The following RUFY2 variants were observed in gnomAD, a reference collection of about 807,000 sequenced individuals.
The protein encoded by RUFY2 is RUN and FYVE domain-containing protein 2.
Under a neutral mutation model 94.4 loss-of-function variants are expected in RUFY2, and 49 were observed. The observed-to-expected ratio is 0.52, with a 90% CI of 0.41 to 0.66. The LOEUF (loss-of-function observed/expected upper bound fraction) is 0.66. Ranked by LOEUF, RUFY2 falls within the 30% of genes least tolerant of loss-of-function variation. The probability of loss-of-function intolerance (pLI) is 0.00; values close to 1 mark genes in which losing one functional copy is unlikely to be tolerated. For missense variants in RUFY2, 541 were observed against 692.8 expected (o/e 0.78, Z 2.46); for synonymous variants, 255 against 235.7 (o/e 1.08, Z -0.75).
At chr10:68,373,080 AAG>A (rs1380878702) in intron 13 of RUFY2, among the ~76,000 whole-genome samples, 1 of 152,218 alleles carries the variant, frequency 6.6e-6, no homozygotes, top group African/African-American at 2.4e-5. Context: ...ATATATGTAA[AAG>A]AGATAATTAA....
At chr10:68,371,131 CAAAA>C (rs58880698) in intron 13 of RUFY2, among the ~76,000 whole-genome samples, 2 of 59,172 alleles carry the variant, frequency 3.4e-5, no homozygotes, top group Admixed American at 1.8e-4. Flanking sequence ...GGCTCTGTCT[CAAAA>C]AAAAAAAAAA....
At chr10:68,377,416 G>C (rs1016592155) in intron 12 of RUFY2, 9 of 1,002,812 alleles carry the variant, frequency 9.0e-6, no homozygotes, top group Non-Finnish European at 9.5e-6. Flanking sequence ...AATCAAGTGT[G>C]CTACAAGGCC....
Position 68,396,997 on chromosome 10 carries a change from A to G in RUFY2, c.297-116T>C. 3 of 658,080 alleles carry G rather than the reference A, an allele frequency of 4.6e-6. No individual in the cohort carries two copies. The South Asian group carries it at 6.0e-5, about 13-fold the overall frequency. 40.8% of individuals were successfully genotyped at this position (658,080 alleles called of 1,614,324 possible). ...GCATTTTTATAATGGTTTTGTTTTCATTTTTATAGGTTTATCTTTTTGAGC... is the reference window on the plus strand; with the variant it reads ...GCATTTTTATAATGGTTTTGTTTTCGTTTTTATAGGTTTATCTTTTTGAGC... On this transcript the variant is annotated intron_variant, in intron 3 of 17. Coordinates refer to ENST00000602465, the MANE Select transcript of RUFY2 (RefSeq NM_001330103.2).
intron 13 of RUFY2, among the ~76,000 whole-genome samples, chr10:68,367,717 T>C (rs1218241649): frequency 6.7e-6 from 1 of 148,772 alleles, no homozygotes; most frequent in South Asian, 2.1e-4. Context: ...TCTCTATCTC[T>C]CTCCCTCCCT....
Position 68,394,391 on chromosome 10 carries a change from C to G in RUFY2, c.459G>C (p.Leu153=). ...MEEEGAVIVG[L]LVGLNVIDAN... is the part of the protein sequence containing the mutation. ...CATCGATCACATTCAGGCCAACCAG[C>G]AGCCCAACAATTACTGCTCCTTCTT... The change falls in exon 5 of 18, where the codon CTG becomes CTC. Residue 153 remains leucine (L), a synonymous_variant. Transcript: ENST00000602465. 6.2e-7 allele frequency: 1 copy of G among 1,613,710 alleles called. No individual in the cohort carries two copies. The highest frequency in any genetic ancestry group is 8.5e-7 in the Non-Finnish European group (1 of 1,179,666).
At chr10:68,341,505 ATC>A (rs2045937003), downstream of RUFY2, 5 of 1,092,264 alleles carry the variant, frequency 4.6e-6, no homozygotes, top group Non-Finnish European at 5.4e-6. Context: ...TACTTAATTG[ATC>A]TTTTTTACAA....
chr10:68,388,544 A>G (rs577010213), intron 7 of RUFY2, among the ~76,000 whole-genome samples: 1 of 152,290 alleles, frequency 6.6e-6, no homozygotes, highest in East Asian at 1.9e-4. Flanking sequence ...TTTATTAGAA[A>G]AACAATGAAA....
At chr10:68,363,487 TA>T in intron 15 of RUFY2, 102 bp downstream of exon 15, 1 of 727,696 alleles carries the variant, frequency 1.4e-6, no homozygotes. Context: ...GCCTAGTTCG[TA>T]TCTTTCCTAT....
intron 6 of RUFY2, chr10:68,393,840 T>C (rs2050179068): frequency 1.4e-6 from 1 of 739,790 alleles, no homozygotes; most frequent in Non-Finnish European, 1.9e-6. Flanking sequence ...TGGGTCTCAG[T>C]AACTACAGGT....
intron 7 of RUFY2, among the ~76,000 whole-genome samples, chr10:68,388,775 G>A (rs970490238): frequency 1.4e-5 from 2 of 147,010 alleles, no homozygotes; most frequent in African/African-American, 5.0e-5. Context: ...GGCAGAGGTT[G>A]CAGTGAGCCA....
chr10:68,406,834 C>T (rs1452225503), intron 1 of RUFY2: 3 of 1,612,490 alleles, frequency 1.9e-6, no homozygotes, highest in Admixed American at 3.3e-5. Flanking sequence ...TGCGTCTTCC[C>T]TCCGCCACCC....
In RUFY2 at chr10:68,343,500, TGC is replaced by T. The variant is rs1426212074; in HGVS notation, c.*2266_*2267del. 1 of 152,564 alleles carries T rather than the reference TGC, an allele frequency of 6.6e-6. No homozygotes were observed. The highest frequency in any genetic ancestry group is 1.5e-5 in the Non-Finnish European group (1 of 68,002). The allele number at this position is 152,564 out of a possible 1,614,324, so 9.5% of individuals were successfully genotyped here. On this transcript the variant is annotated 3_prime_UTR_variant, in exon 18 of 18. Transcript: ENST00000602465. ...TATACAGTATTAATGAAACCAAAATTGCCCTTTTAAAGCAGGCTAATTTTCCA... is the reference window on the plus strand; with the variant it reads ...TATACAGTATTAATGAAACCAAAATTCCTTTTAAAGCAGGCTAATTTTCCA...
chr10:68,366,902 G>T (rs895402696), intron 13 of RUFY2, among the ~76,000 whole-genome samples: 2 of 142,208 alleles, frequency 1.4e-5, no homozygotes, highest in South Asian at 2.2e-4. Flanking sequence ...TATATTTATG[G>T]TTCATGCCTG....
intron 1 of RUFY2, chr10:68,406,836 C>T (rs376734230): frequency 6.6e-5 from 107 of 1,612,386 alleles, no homozygotes; most frequent in Non-Finnish European, 8.5e-5. Flanking sequence ...CGTCTTCCCT[C>T]CGCCACCCCC....
chr10:68,359,570 T>C (rs1030124802), intron 15 of RUFY2, among the ~76,000 whole-genome samples: 2 of 142,750 alleles, frequency 1.4e-5, no homozygotes, highest in Non-Finnish European at 3.0e-5. Context: ...TATATAGTAG[T>C]ACTACTATAT....
chr10:68,395,058 C>G (rs192982546), intron 4 of RUFY2, among the ~76,000 whole-genome samples: 1 of 151,898 alleles, frequency 6.6e-6, no homozygotes, highest in Non-Finnish European at 1.5e-5. Context: ...AAAAGTGGCA[C>G]GAGACACGGT....
downstream of RUFY2, chr10:68,341,617 A>C (rs931520704): frequency 1.6e-5 from 26 of 1,612,482 alleles, no homozygotes; most frequent in Admixed American, 4.0e-4. Flanking sequence ...CTTGAATTCT[A>C]CTCCTGGAGG....
At chr10:68,365,690 T>A (rs759465027) in intron 13 of RUFY2, among the ~76,000 whole-genome samples, 1 of 152,262 alleles carries the variant, frequency 6.6e-6, no homozygotes, top group African/African-American at 2.4e-5. Context: ...AGTTTAGTGA[T>A]GTTTTTGTGA....
intron 13 of RUFY2, among the ~76,000 whole-genome samples, chr10:68,375,240 A>C (rs575358740): frequency 1.3e-5 from 2 of 150,760 alleles, no homozygotes; most frequent in Admixed American, 1.3e-4. Flanking sequence ...AATTTAAAAA[A>C]AATGTTAGGG....
Sources: allele counts gnomAD v4.1 joint callset (sites outside exome capture counted in the v4.1 genomes callset), GRCh38; gene constraint gnomAD v4.1.1; transcripts MANE v1.5; gene names NCBI Gene and HGNC (gene_info 2026-07-23, HGNC 2026-07-21).